The following BNC2 variants were observed in gnomAD, a reference collection of about 807,000 sequenced individuals.
BNC2 encodes the protein zinc finger protein basonuclin-2.
BNC2 carries 20 observed loss-of-function variants against 76.3 expected under a neutral mutation model. The ratio of observed to expected loss-of-function variants is 0.26; its 90% confidence interval spans 0.18 to 0.38. The LOEUF is 0.38. Among genes scored for constraint, BNC2 ranks in the 10% least tolerant of loss-of-function variants. The probability of loss-of-function intolerance (pLI) is 1.00; values close to 1 mark genes in which losing one functional copy is unlikely to be tolerated. For missense variants in BNC2, 1,382 were observed against 1,399.8 expected, an observed-to-expected ratio of 0.99 and a Z score of 0.20; for synonymous variants, 582 against 514.8, an observed-to-expected ratio of 1.13 and a Z score of -1.77.
At chr9:16,502,850 C>T (rs1214514018) in intron 5 of BNC2, among the ~76,000 whole-genome samples, 1 of 152,080 alleles carries the variant, frequency 6.6e-6, no homozygotes, top group African/African-American at 2.4e-5. Context: ...TGGGGTTAAT[C>T]CCACAGAGGG....
intron 1 of BNC2, among the ~76,000 whole-genome samples, chr9:16,786,371 G>C (rs1163169991): frequency 6.6e-6 from 1 of 151,998 alleles, no homozygotes; most frequent in Non-Finnish European, 1.5e-5. Flanking sequence ...TTCCTGGGTA[G>C]GTGGAAGAAG....
chr9:16,456,779 C>T (rs1020979334), intron 5 of BNC2, among the ~76,000 whole-genome samples: 10 of 151,428 alleles, frequency 6.6e-5, no homozygotes, highest in Non-Finnish European at 1.5e-4. Flanking sequence ...TAGGGAAAGA[C>T]ATATTCTAGA....
At chr9:16,721,715 C>A (rs1306562370) in intron 3 of BNC2, among the ~76,000 whole-genome samples, 3 of 152,172 alleles carry the variant, frequency 2.0e-5, no homozygotes, top group Non-Finnish European at 4.4e-5. Flanking sequence ...CAATAACAAG[C>A]AGGGAATCCC....
At chr9:16,808,479 CTTTTT>C (rs768028981) in intron 1 of BNC2, among the ~76,000 whole-genome samples, 3 of 78,678 alleles carry the variant, frequency 3.8e-5, no homozygotes, top group African/African-American at 5.2e-5. Context: ...TCTTGGGCAA[CTTTTT>C]TTTTTTTTTT....
chr9:16,822,216 G>C (rs1225730778), intron 1 of BNC2, among the ~76,000 whole-genome samples: 6 of 151,850 alleles, frequency 4.0e-5, no homozygotes, highest in African/African-American at 1.5e-4. Context: ...GGGAGGAAGA[G>C]GTTATAACAA....
chr9:16,468,172 C>A (rs1282660134), intron 5 of BNC2, among the ~76,000 whole-genome samples: 1 of 151,236 alleles, frequency 6.6e-6, no homozygotes, highest in East Asian at 2.0e-4. Context: ...CTCCAAAGTG[C>A]TAGGATTATA....
intron 4 of BNC2, among the ~76,000 whole-genome samples, chr9:16,578,274 T>TTA (rs1819541922): frequency 6.6e-6 from 1 of 152,232 alleles, no homozygotes; most frequent in Admixed American, 6.5e-5. Flanking sequence ...GTTTGTTTTC[T>TTA]TTCTTATTTT....
At chr9:16,695,465 A>G (rs1042335552) in intron 3 of BNC2, among the ~76,000 whole-genome samples, 1 of 151,810 alleles carries the variant, frequency 6.6e-6, no homozygotes, top group African/African-American at 2.4e-5. Flanking sequence ...TAGAAGGGGG[A>G]AAATACCCAC....
At chr9:16,518,664 C>A (rs1418637454) in intron 5 of BNC2, among the ~76,000 whole-genome samples, 1 of 151,818 alleles carries the variant, frequency 6.6e-6, no homozygotes, top group African/African-American at 2.4e-5. Flanking sequence ...GCAGTAGCAC[C>A]GTCTTGGCTC....
At chr9:16,520,290 G>A (rs557770211) in intron 5 of BNC2, among the ~76,000 whole-genome samples, 10 of 152,268 alleles carry the variant, frequency 6.6e-5, no homozygotes, top group South Asian at 4.1e-4. Flanking sequence ...AGGAAACATC[G>A]AAGGTCAGTG....
At chr9:16,512,897 A>G (rs1164496334) in intron 5 of BNC2, among the ~76,000 whole-genome samples, 2 of 149,026 alleles carry the variant, frequency 1.3e-5, no homozygotes, top group African/African-American at 2.5e-5. Context: ...ACACTTTGGG[A>G]GGCTGAGGGG....
chr9:16,788,810 C>T (rs778473777), intron 1 of BNC2, among the ~76,000 whole-genome samples: 1 of 152,088 alleles, frequency 6.6e-6, no homozygotes, highest in African/African-American at 2.4e-5. Flanking sequence ...AGGACAATCC[C>T]ACACTCCTCA....
chr9:16,627,626 C>G (rs1821035833), intron 3 of BNC2, among the ~76,000 whole-genome samples: 1 of 152,134 alleles, frequency 6.6e-6, no homozygotes, highest in Non-Finnish European at 1.5e-5. Flanking sequence ...TCTGCTTGAT[C>G]ATGTGTAGAC....
At chr9:16,738,537 A>G in intron 1 of BNC2, 52 bp from the exon 2 acceptor site, 1 of 1,575,214 alleles carries the variant, frequency 6.3e-7, no homozygotes, top group East Asian at 2.3e-5. Flanking sequence ...GTATTACTTA[A>G]AAGCATTGAG....
intron 5 of BNC2, among the ~76,000 whole-genome samples, chr9:16,504,712 T>C (rs1374855227): frequency 6.6e-6 from 1 of 152,270 alleles, no homozygotes; most frequent in East Asian, 1.9e-4. Flanking sequence ...CCAGGCACAG[T>C]AGGACATGCC....
intron 3 of BNC2, chr9:16,704,994 C>G (rs1209499434): frequency 6.6e-6 from 1 of 152,222 alleles, no homozygotes; most frequent in African/African-American, 2.4e-5. Flanking sequence ...GTTAATTGTC[C>G]AGACTCCAAG....
chr9:16,794,910 A>C (rs111350851), intron 1 of BNC2, among the ~76,000 whole-genome samples: 15 of 149,622 alleles, frequency 1.0e-4, no homozygotes, highest in African/African-American at 3.7e-4. Context: ...GAAAAAAAAA[A>C]CCCATGCAAG....
chr9:16,591,076 G>C (rs1587208962), intron 3 of BNC2, among the ~76,000 whole-genome samples: 1 of 152,092 alleles, frequency 6.6e-6, no homozygotes, highest in Non-Finnish European at 1.5e-5. Context: ...TCACATGATA[G>C]TAATGGTGAT....
Position 16,412,637 on chromosome 9 carries a change from C to G in BNC2, c.*6352G>C, listed in dbSNP as rs915911092. The G allele has an allele frequency of 6.6e-6, 1 of 151,838 alleles. No individual in the cohort carries two copies. The highest frequency in any genetic ancestry group is 2.4e-5 in the African/African-American group (1 of 41,250). The allele number at this position is 151,838 out of a possible 1,614,324, so 9.4% of individuals were successfully genotyped here. On this transcript the variant is annotated 3_prime_UTR_variant, in exon 7 of 7. Coordinates refer to ENST00000380672, the MANE Select transcript of BNC2 (RefSeq NM_017637.6). ...GCTGGAGAGGGCATCGAGAGGCAGCCTTGGGCTTCCCACAGATACAGTAGG... is the reference window on the plus strand; with the variant it reads ...GCTGGAGAGGGCATCGAGAGGCAGCGTTGGGCTTCCCACAGATACAGTAGG...
Sources: gnomAD v4.1 joint callset for allele counts (sites outside exome capture counted in the v4.1 genomes callset) on GRCh38, gnomAD v4.1.1 for gene constraint, MANE v1.5 for transcripts, NCBI Gene and HGNC (gene_info 2026-07-23, HGNC 2026-07-21) for gene names.